Variants in CCDC141 observed in about 807,000 individuals in gnomAD.
CCDC141 encodes the protein coiled-coil domain containing 141, also known as coiled-coil domain-containing protein 141.
CCDC141 carries 168 observed loss-of-function variants against 181.0 expected under a neutral mutation model. The ratio of observed to expected loss-of-function variants is 0.93; its 90% CI spans 0.82 to 1.05. CCDC141 has a LOEUF of 1.05. CCDC141 is among the 50% of genes least tolerant of loss of function. CCDC141 has a pLI of 0.00. For synonymous variants in CCDC141, 666 were observed against 642.3 expected (o/e 1.04, Z -0.56); for missense variants, 1,902 against 1,788.5 (o/e 1.06, Z -1.14).
chr2:178,837,777 C>T lies in CCDC141; in HGVS notation c.3475-33G>A, dbSNP rs777001435. On this transcript the variant is annotated intron_variant, in intron 22 of 23. Coordinates refer to ENST00000443758, the MANE Select transcript of CCDC141 (RefSeq NM_173648.4). The stretch of plus-strand genomic sequence containing the variant: ...AAAGAAAAGCCAAATCATCCTTATT[C>T]ATTCATTTTTCTTTTTCCAGTTTCA... 4 of 1,558,858 alleles carry T rather than the reference C, an allele frequency of 2.6e-6. No individual in the cohort carries two copies. In the African/African-American group the frequency reaches 5.5e-5, roughly 21 times the overall value.
intron 2 of CCDC141, among the ~76,000 whole-genome samples, chr2:178,989,465 G>A (rs1691923624): frequency 6.6e-6 from 1 of 151,692 alleles, no homozygotes; most frequent in African/African-American, 2.4e-5. Flanking sequence ...GTGGTGGTGG[G>A]CACCTGTAAT....
intron 6 of CCDC141, among the ~76,000 whole-genome samples, chr2:178,941,551 C>G (rs1689511796): frequency 6.6e-6 from 1 of 152,064 alleles, no homozygotes; most frequent in South Asian, 2.1e-4. Context: ...AGATTGATGG[C>G]TCTATAGCTC....
chr2:178,818,891 C>T, the CCDC141 span, among the ~76,000 whole-genome samples: 3 of 152,048 alleles, frequency 2.0e-5, no homozygotes, highest in Non-Finnish European at 4.4e-5. Context: ...TTACACTCCC[C>T]AAAACAGTGT....
rs77410820 is a variant in CCDC141, at chr2:179,004,442, G to T, written c.226-25767C>A. ...TGATCAATTTTTAAGAATAATAGTC[G>T]TTTGCTGATAGGTAAATTATATGTC... On this transcript the variant is annotated intron_variant, in intron 2 of 23. Coordinates refer to ENST00000443758, the MANE Select transcript of CCDC141 (RefSeq NM_173648.4). Among the ~76,000 whole-genome samples, 257 of 152,176 alleles carry T rather than the reference G, an allele frequency of 1.7e-3. 5 individuals are homozygous for T. In the South Asian group the frequency reaches 0.02, roughly 12 times the overall value.
intron 8 of CCDC141, among the ~76,000 whole-genome samples, chr2:178,900,806 C>G (rs13416260): frequency 2.8e-4 from 43 of 152,062 alleles, no homozygotes; most frequent in African/African-American, 9.9e-4. Context: ...GTCAAGAGGC[C>G]GGGACTGGAT....
chr2:178,823,489 C>T, the CCDC141 span, among the ~76,000 whole-genome samples: 1 of 152,058 alleles, frequency 6.6e-6, no homozygotes, highest in Non-Finnish European at 1.5e-5. Context: ...ATCATGTATG[C>T]TTTAGTAACC....
intron 2 of CCDC141, among the ~76,000 whole-genome samples, chr2:179,018,374 A>G (rs916411384): frequency 5.3e-5 from 8 of 152,280 alleles, no homozygotes; most frequent in African/African-American, 1.9e-4. Flanking sequence ...ACTTAGTTTT[A>G]CCACTAAACT....
chr2:178,984,214 T>A (rs1433159802), intron 2 of CCDC141, among the ~76,000 whole-genome samples: 4 of 149,058 alleles, frequency 2.7e-5, no homozygotes, highest in African/African-American at 5.0e-5. Flanking sequence ...CCAGCCAAAC[T>A]AAGCTTCATA....
Position 178,850,368 on chromosome 2 carries a change from C to T in CCDC141, c.3245-207G>A, listed in dbSNP as rs138794957. Among the ~76,000 whole-genome samples, 249 of 152,326 alleles carry T rather than the reference C, an allele frequency of 1.6e-3. 4 individuals carry two copies. Among genetic ancestry groups the T allele is most frequent in the African/African-American group, 5.3e-3 (220 of 41,588 alleles). On this transcript the variant is annotated intron_variant, in intron 20 of 23. Coordinates refer to ENST00000443758, the MANE Select transcript of CCDC141 (RefSeq NM_173648.4). ...GAAAATGATTACATTTGCTGTACCA[C>T]GCCACTTGCATGTAACCTAAATAAT...
intron 2 of CCDC141, among the ~76,000 whole-genome samples, chr2:179,028,361 A>G (rs1209111745): frequency 2.0e-5 from 3 of 152,284 alleles, no homozygotes; most frequent in Admixed American, 1.3e-4. Flanking sequence ...TCTCTCCCAT[A>G]CTAACAAAAG....
chr2:178,931,068 T>C (rs1006301629), intron 6 of CCDC141, among the ~76,000 whole-genome samples: 1 of 152,188 alleles, frequency 6.6e-6, no homozygotes, highest in African/African-American at 2.4e-5. Flanking sequence ...AATGAAAAGA[T>C]CTGCAACATC....
chr2:178,899,614 G>A (rs572462612), intron 8 of CCDC141, among the ~76,000 whole-genome samples: 1 of 152,160 alleles, frequency 6.6e-6, no homozygotes, highest in Non-Finnish European at 1.5e-5. Flanking sequence ...GTGAAGTCTT[G>A]GGTTTCTTAT....
chr2:178,817,599 G>C, the CCDC141 span: 4 of 470,904 alleles, frequency 8.5e-6, no homozygotes, highest in South Asian at 6.2e-5. Flanking sequence ...TCTGGACACT[G>C]TGCAGTGTGG....
At chr2:178,906,869 A>G (rs1290567487) in intron 7 of CCDC141, among the ~76,000 whole-genome samples, 3 of 152,154 alleles carry the variant, frequency 2.0e-5, no homozygotes, top group Non-Finnish European at 2.9e-5. Context: ...AGGTACACAA[A>G]TGCGCTCATG....
chr2:178,947,932 G>T (rs888535332), intron 5 of CCDC141, among the ~76,000 whole-genome samples: 2 of 152,148 alleles, frequency 1.3e-5, no homozygotes, highest in African/African-American at 2.4e-5. Context: ...GAGTATGGTG[G>T]TTCATGCCTG....
intron 2 of CCDC141, among the ~76,000 whole-genome samples, chr2:179,001,328 G>T (rs1046056315): frequency 2.6e-5 from 4 of 152,178 alleles, no homozygotes; most frequent in Admixed American, 6.5e-5. Flanking sequence ...TAGAGGAAAC[G>T]AAGAAAGGAG....
chr2:178,843,197 AGTGTATG>A (rs770583362), intron 22 of CCDC141, among the ~76,000 whole-genome samples: 4 of 152,184 alleles, frequency 2.6e-5, no homozygotes, highest in Admixed American at 6.5e-5. Flanking sequence ...TTGCGGGAAA[AGTGTATG>A]GCTAAAATTC....
At chr2:178,906,367 G>A (rs1202369953) in intron 7 of CCDC141, among the ~76,000 whole-genome samples, 1 of 152,182 alleles carries the variant, frequency 6.6e-6, no homozygotes, top group Non-Finnish European at 1.5e-5. Context: ...AATACTGTGG[G>A]TATATGAGGA....
At chr2:179,039,697 T>C (rs1387233855) in intron 2 of CCDC141, among the ~76,000 whole-genome samples, 7 of 139,890 alleles carry the variant, frequency 5.0e-5, no homozygotes, top group African/African-American at 1.9e-4. Context: ...GGAATAAACA[T>C]TAAATATTAA....
Sources: gnomAD v4.1 joint callset for allele counts (sites outside exome capture counted in the v4.1 genomes callset) on GRCh38, gnomAD v4.1.1 for gene constraint, MANE v1.5 for transcripts, NCBI Gene and HGNC (gene_info 2026-07-23, HGNC 2026-07-21) for gene names.